GATAD2A: variants seen among roughly 807,000 people sequenced by gnomAD.
GATAD2A encodes GATA zinc finger domain containing 2A, also known as transcriptional repressor p66-alpha.
A neutral mutation model predicts 68.5 loss-of-function variants in GATAD2A; 12 were observed. The ratio of observed to expected loss-of-function variants is 0.18; its 90% CI spans 0.11 to 0.28. The LOEUF is 0.28. GATAD2A is among the 10% of genes least tolerant of loss of function. The probability of loss-of-function intolerance (pLI) is 1.00; values close to 1 mark genes in which losing one functional copy is unlikely to be tolerated. For synonymous variants in GATAD2A, 410 were observed against 375.3 expected (o/e 1.09, Z -1.07); for missense variants, 755 against 868.5 (o/e 0.87, Z 1.64).
intron 8 of GATAD2A, among the ~76,000 whole-genome samples, chr19:19,499,616 C>G (rs538762160): frequency 6.6e-6 from 1 of 152,270 alleles, no homozygotes; most frequent in South Asian, 2.1e-4. Context: ...GGAAGATGCT[C>G]TCCCCACTCT....
intron 1 of GATAD2A, among the ~76,000 whole-genome samples, chr19:19,392,395 T>G (rs1156803852): frequency 1.4e-5 from 2 of 140,134 alleles, no homozygotes; most frequent in Admixed American, 7.1e-5. Context: ...TGTGTGTGTG[T>G]TTTTTTTTTT....
At chr19:19,476,096 T>G (rs1389667358) in intron 2 of GATAD2A, among the ~76,000 whole-genome samples, 1 of 152,184 alleles carries the variant, frequency 6.6e-6, no homozygotes, top group Non-Finnish European at 1.5e-5. Flanking sequence ...TCCCTAACTT[T>G]GAAATGGGGC....
At chr19:19,425,569 T>G (rs1834213924) in intron 1 of GATAD2A, among the ~76,000 whole-genome samples, 1 of 152,198 alleles carries the variant, frequency 6.6e-6, no homozygotes, top group African/African-American at 2.4e-5. Flanking sequence ...ACATTTCCAA[T>G]CTGAAATGAT....
intron 1 of GATAD2A, among the ~76,000 whole-genome samples, chr19:19,414,260 T>C (rs1370942918): frequency 6.6e-6 from 1 of 152,210 alleles, no homozygotes; most frequent in African/African-American, 2.4e-5. Flanking sequence ...AACTGAGGAT[T>C]CTACCTGGGA....
At chr19:19,504,944 A>AAGATAGTTTTTCATTG (rs2060788693) in intron 11 of GATAD2A, among the ~76,000 whole-genome samples, 1 of 152,058 alleles carries the variant, frequency 6.6e-6, no homozygotes, top group Non-Finnish European at 1.5e-5. Flanking sequence ...GTGCCCAGCT[A>AAGATAGTTTTTCATTG]AGATAGTTTT....
chr19:19,492,844 G>C, intron 4 of GATAD2A, 132 bp downstream of exon 4: 1 of 771,738 alleles, frequency 1.3e-6, no homozygotes, highest in South Asian at 1.8e-5. Flanking sequence ...TCCCACTCCC[G>C]CATTTGTGGA....
intron 2 of GATAD2A, among the ~76,000 whole-genome samples, chr19:19,474,968 C>G (rs1255091511): frequency 6.6e-6 from 1 of 152,266 alleles, no homozygotes; most frequent in Non-Finnish European, 1.5e-5. Flanking sequence ...CGAGGCCAGG[C>G]AGAAGAGCCC....
intron 2 of GATAD2A, among the ~76,000 whole-genome samples, chr19:19,491,443 G>C (rs1032352750): frequency 8.5e-5 from 13 of 152,178 alleles, no homozygotes; most frequent in Admixed American, 2.0e-4. Context: ...AAAAGGTGTG[G>C]GGGCTGGAAT....
At chr19:19,390,409 G>A (rs962455709) in intron 1 of GATAD2A, among the ~76,000 whole-genome samples, 3 of 152,218 alleles carry the variant, frequency 2.0e-5, no homozygotes, top group African/African-American at 7.2e-5. Flanking sequence ...CACAGACCAG[G>A]AAGCGCTTGA....
chr19:19,398,624 T>C (rs1648324720), intron 1 of GATAD2A, among the ~76,000 whole-genome samples: 1 of 149,656 alleles, frequency 6.7e-6, no homozygotes, highest in African/African-American at 2.4e-5. Context: ...TGAGACACTG[T>C]GCCCGGCCTA....
At chr19:19,386,729 C>T (rs2048456569) in intron 1 of GATAD2A, among the ~76,000 whole-genome samples, 2 of 151,976 alleles carry the variant, frequency 1.3e-5, no homozygotes, top group Non-Finnish European at 2.9e-5. Context: ...GGGGACAACC[C>T]CTCTTATCAG....
Position 19,505,351 on chromosome 19 carries a change from C to T in GATAD2A, c.1782C>T (p.Thr594=), listed in dbSNP as rs148017588. The T allele has an allele frequency of 3.7e-5, 60 of 1,613,338 alleles. No homozygotes were observed. The African/African-American group carries it at 6.8e-4, about 18-fold the overall frequency. Residue 594 remains threonine, a synonymous_variant, in exon 12 of 12, where the codon ACC becomes ACT. Coordinates refer to ENST00000683918, the MANE Select transcript of GATAD2A (RefSeq NM_001384528.1). ...WKKTPLSTGG[T]LAFVSPSLAV... The stretch of plus-strand genomic sequence containing the variant: ...CGCTCTGTTCTGTTGCAGGCGGGAC[C>T]CTTGCGTTTGTCAGCCCAAGCCTGG...
intron 1 of GATAD2A, among the ~76,000 whole-genome samples, chr19:19,388,717 GACCCAC>G (rs1429528746): frequency 6.6e-6 from 1 of 151,972 alleles, no homozygotes; most frequent in East Asian, 1.9e-4. Flanking sequence ...CTGTGGGAGT[GACCCAC>G]TTCCTGTCCC....
chr19:19,492,386 T>C lies in GATAD2A; in HGVS notation c.350T>C (p.Val117Ala), dbSNP rs1215094050. 13 of 1,613,346 alleles carry C rather than the reference T, an allele frequency of 8.1e-6. No individual in the cohort carries two copies. Among genetic ancestry groups the C allele is most frequent in the Non-Finnish European group, 1.0e-5 (12 of 1,179,686 alleles). ...SDNEQPSSPRVNGLTTVALKE... is the reference protein window; with the variant it reads ...SDNEQPSSPRANGLTTVALKE... ...AACGAGCAGCCCTCGAGCCCGAGAG[T>C]GAATGGGCTGACCACGGTGGCCTTG... The change falls in exon 3 of 12, where the codon GTG becomes GCG. Residue 117 changes from valine to alanine, a missense_variant. By Grantham distance (64) the Val-to-Ala change is moderately conservative. Coordinates refer to ENST00000683918, the MANE Select transcript of GATAD2A (RefSeq NM_001384528.1).
At chr19:19,453,973 G>GT (rs545327856) in intron 1 of GATAD2A, among the ~76,000 whole-genome samples, 7,489 of 132,148 alleles carry the variant, frequency 0.057, 571 homozygotes, top group African/African-American at 0.17. Flanking sequence ...AATTTTTTGT[G>GT]TTTTTTTTTT....
intron 7 of GATAD2A, among the ~76,000 whole-genome samples, chr19:19,496,480 A>G (rs2060158092): frequency 6.6e-6 from 1 of 152,196 alleles, no homozygotes; most frequent in South Asian, 2.1e-4. Context: ...CACGGACCTG[A>G]GCTGAAGGTG....
chr19:19,470,163 T>TA, intron 2 of GATAD2A, among the ~76,000 whole-genome samples: 1 of 149,214 alleles, frequency 6.7e-6, no homozygotes, highest in Admixed American at 6.6e-5. Context: ...TTGTTTTTTT[T>TA]TTTTTGAGAC....
At chr19:19,431,946 G>C (rs990266808) in intron 1 of GATAD2A, among the ~76,000 whole-genome samples, 3 of 152,014 alleles carry the variant, frequency 2.0e-5, no homozygotes, top group African/African-American at 7.3e-5. Context: ...AGGCAGGGGT[G>C]GTGGGGGATC....
At chr19:19,504,036 G>C (rs1223074052) in intron 11 of GATAD2A, among the ~76,000 whole-genome samples, 2 of 152,172 alleles carry the variant, frequency 1.3e-5, no homozygotes, top group African/African-American at 4.8e-5. Flanking sequence ...GTGAGACCTT[G>C]TGTCTACAAA....
Sources: gnomAD v4.1 joint callset for allele counts (sites outside exome capture counted in the v4.1 genomes callset) on GRCh38, gnomAD v4.1.1 for gene constraint, MANE v1.5 for transcripts, NCBI Gene and HGNC (gene_info 2026-07-23, HGNC 2026-07-21) for gene names.